ATXN10: variants seen among roughly 807,000 people sequenced by gnomAD.
The protein encoded by ATXN10 is ataxin 10, also known as ataxin-10.
In ATXN10, 28 loss-of-function variants were observed where a neutral mutation model predicts 52.9. The observed-to-expected ratio is 0.53, with a 90% CI of 0.39 to 0.73. The LOEUF is 0.73. Ranked by LOEUF, ATXN10 falls within the 30% of genes least tolerant of loss-of-function variation. The probability of loss-of-function intolerance (pLI) is 0.00; values close to 1 mark genes in which losing one functional copy is unlikely to be tolerated. For synonymous variants in ATXN10, 226 were observed against 221.5 expected (o/e 1.02, Z -0.18); for missense variants, 565 against 577.0 (o/e 0.98, Z 0.21).
chr22:45,831,607 G>A (rs1429434153), intron 10 of ATXN10, among the ~76,000 whole-genome samples: 1 of 152,124 alleles, frequency 6.6e-6, no homozygotes, highest in Non-Finnish European at 1.5e-5. Flanking sequence ...TCCATCCTAT[G>A]AAACAATATT....
At chr22:45,777,267 CGTT>C (rs1926992968) in intron 9 of ATXN10, among the ~76,000 whole-genome samples, 1 of 152,110 alleles carries the variant, frequency 6.6e-6, no homozygotes, top group South Asian at 2.1e-4. Flanking sequence ...TCTGTTATGT[CGTT>C]GTTACCATAG....
intron 9 of ATXN10, among the ~76,000 whole-genome samples, chr22:45,751,956 C>G (rs1440342430): frequency 6.6e-6 from 1 of 151,290 alleles, no homozygotes; most frequent in Non-Finnish European, 1.5e-5. Flanking sequence ...TGACTCCCCC[C>G]ACCCCCACGT....
rs929327087 is a variant in ATXN10, at chr22:45,750,593, C to G, written c.1173+10055C>G. On this transcript the variant is annotated intron_variant, in intron 9 of 11. Coordinates refer to ENST00000252934, the MANE Select transcript of ATXN10 (RefSeq NM_013236.4). This position sits in a 1 kb window ranked among gnomAD's most constrained non-coding sequence, Gnocchi z 4.2. ...TTTAAACTGATTTTTATTACTAGAC[C>G]AATTAAAATCCCACTGTGAAAAATA... Among the ~76,000 whole-genome samples the G allele has an allele frequency of 9.9e-5, 15 of 151,984 alleles. No individual in the cohort carries two copies. Among genetic ancestry groups the G allele is most frequent in the African/African-American group, 3.6e-4 (15 of 41,350 alleles).
rs192641756 is a variant in ATXN10 at position 45,749,805 on chromosome 22, G to A, written c.1173+9267G>A. Among the ~76,000 whole-genome samples, 207 of 152,200 alleles carry A rather than the reference G, an allele frequency of 1.4e-3. 1 individual carries two copies. Among genetic ancestry groups the A allele is most frequent in the African/African-American group, 4.8e-3 (199 of 41,534 alleles). ...GGTCTCAAACTCCTGGCCTCAGGCA[G>A]TCCTCCTTCCTTGACCTCCCAAAGT... On this transcript the variant is annotated intron_variant, in intron 9 of 11. Coordinates refer to ENST00000252934, the MANE Select transcript of ATXN10 (RefSeq NM_013236.4).
chr22:45,741,854 C>T (rs901844665), intron 9 of ATXN10, among the ~76,000 whole-genome samples: 1 of 152,066 alleles, frequency 6.6e-6, no homozygotes, highest in African/African-American at 2.4e-5. Context: ...GAAATTGATG[C>T]TTGGAAGAAG....
At chr22:45,725,542 G>T (rs565317178) in intron 6 of ATXN10, among the ~76,000 whole-genome samples, 1 of 151,670 alleles carries the variant, frequency 6.6e-6, no homozygotes, top group Non-Finnish European at 1.5e-5. Flanking sequence ...TGAATTCATT[G>T]ATCAAATCTA....
At position 45,796,988 on chromosome 22, in the gene ATXN10, G is replaced by C. The variant is rs145901358; in HGVS notation, c.1174-9971G>C. 7.6e-4 allele frequency among the ~76,000 whole-genome samples: 116 copies of C among 152,266 alleles called. 1 individual carries two copies. Among genetic ancestry groups the C allele is most frequent in the African/African-American group, 2.7e-3 (111 of 41,544 alleles). On this transcript the variant is annotated intron_variant, in intron 9 of 11. Transcript: ENST00000252934. ...ACAAAGAATTTCCCTAGATGTAAAA[G>C]AGTGATATTTCATAATGATTAAAGG...
chr22:45,736,264 T>C (rs1309887668), intron 7 of ATXN10, among the ~76,000 whole-genome samples: 3 of 152,230 alleles, frequency 2.0e-5, no homozygotes, highest in African/African-American at 7.2e-5. Context: ...GTTCCACTCA[T>C]TCTTATGCCA....
intron 9 of ATXN10, among the ~76,000 whole-genome samples, chr22:45,746,124 C>T (rs927325405): frequency 4.0e-5 from 6 of 151,678 alleles, no homozygotes; most frequent in African/African-American, 1.2e-4. Context: ...TTTTTTAAAT[C>T]CTAGGTTTAG....
intron 5 of ATXN10, among the ~76,000 whole-genome samples, chr22:45,716,595 T>A (rs1369443705): frequency 1.3e-5 from 2 of 152,052 alleles, no homozygotes; most frequent in African/African-American, 4.8e-5. Context: ...TCCACCCACC[T>A]CAGTCTCCCA....
intron 5 of ATXN10, among the ~76,000 whole-genome samples, chr22:45,711,599 G>C (rs566109481): frequency 1.3e-5 from 2 of 152,288 alleles, no homozygotes; most frequent in East Asian, 3.9e-4. Context: ...TAGTTTTACA[G>C]ATGTTACCAT....
At position 45,783,295 on chromosome 22, in the gene ATXN10, C is replaced by A. The variant is rs1245967116; in HGVS notation, c.1174-23664C>A. ...AGGGATGGTGAGAGATTTTCTCATGCTCCTCAGCATGGTGCACAACTTAAA... is the reference window on the plus strand; with the variant it reads ...AGGGATGGTGAGAGATTTTCTCATGATCCTCAGCATGGTGCACAACTTAAA... On this transcript the variant is annotated intron_variant, in intron 9 of 11. Transcript: ENST00000252934. The surrounding 1 kb of genome is among the most constrained non-coding windows in gnomAD (Gnocchi z 5.0). Among the ~76,000 whole-genome samples, 3 of 152,196 alleles carry A rather than the reference C, an allele frequency of 2.0e-5. No individual in the cohort carries two copies. Among genetic ancestry groups the A allele is most frequent in the African/African-American group, 7.2e-5 (3 of 41,436 alleles).
chr22:45,835,215 C>T lies in ATXN10; in HGVS notation c.1238-7776C>T, dbSNP rs189915464. 2.0e-3 allele frequency among the ~76,000 whole-genome samples: 298 copies of T among 152,260 alleles called. 1 individual carries two copies. The highest frequency in any genetic ancestry group is 6.5e-3 in the African/African-American group (269 of 41,552). ...TCCCATGACTTCACTGCCAGATGGA[C>T]GGGCTCATGGGTCCTGCTTTGCCTG... On this transcript the variant is annotated intron_variant, in intron 10 of 11. Transcript: ENST00000252934. This position sits in a 1 kb window ranked among gnomAD's most constrained non-coding sequence, Gnocchi z 5.0.
In ATXN10 at chr22:45,805,047, C is replaced by T. The variant is rs1051623318; in HGVS notation, c.1174-1912C>T. ...ATATAGCAGTCTACTGTGTTTGTAC[C>T]GTAGTTTATGTAAGCAACCCCCATT... is the stretch of plus-strand genomic sequence containing the variant. On this transcript the variant is annotated intron_variant, in intron 9 of 11. Transcript: ENST00000252934. The surrounding 1 kb of genome is among the most constrained non-coding windows in gnomAD (Gnocchi z 4.4). Among the ~76,000 whole-genome samples, 1 of 152,122 alleles carries T rather than the reference C, an allele frequency of 6.6e-6. No homozygotes were observed. The highest frequency in any genetic ancestry group is 1.5e-5 in the Non-Finnish European group (1 of 68,028).
chr22:45,673,703 A>C (rs1922566687), intron 1 of ATXN10: 1 of 152,154 alleles, frequency 6.6e-6, no homozygotes, highest in Non-Finnish European at 1.5e-5. Context: ...TCTATACAAG[A>C]GGTGGTGGCA....
At chr22:45,717,165 CCT>C (rs1423438270) in intron 5 of ATXN10, among the ~76,000 whole-genome samples, 3 of 152,042 alleles carry the variant, frequency 2.0e-5, no homozygotes, top group East Asian at 1.9e-4. Flanking sequence ...CTTCTTGCCC[CCT>C]GTCTGTCACC....
Position 45,754,339 on chromosome 22 carries a change from A to G in ATXN10, c.1173+13801A>G, listed in dbSNP as rs567202847. Among the ~76,000 whole-genome samples the G allele has an allele frequency of 2.0e-4, 31 of 152,360 alleles. No individual in the cohort carries two copies. The highest frequency in any genetic ancestry group is 7.2e-4 in the African/African-American group (30 of 41,590). On this transcript the variant is annotated intron_variant, in intron 9 of 11. Coordinates refer to ENST00000252934, the MANE Select transcript of ATXN10 (RefSeq NM_013236.4). The surrounding 1 kb of genome is among the most constrained non-coding windows in gnomAD (Gnocchi z 5.4). ...GTCTCCCTTTCTTCATCTGTAAAGTAGAGATGATTTTACTTCCCTCATACA... is the reference window on the plus strand; with the variant it reads ...GTCTCCCTTTCTTCATCTGTAAAGTGGAGATGATTTTACTTCCCTCATACA...
At chr22:45,764,171 T>C (rs749570094) in intron 9 of ATXN10, among the ~76,000 whole-genome samples, 110 of 152,192 alleles carry the variant, frequency 7.2e-4, no homozygotes, top group Non-Finnish European at 1.4e-3. Context: ...GCAGGAATCA[T>C]CTTCTCCCTC....
chr22:45,702,546 ATAAT>A (rs1303632179), intron 4 of ATXN10, 139 bp from the exon 5 acceptor site: 7 of 716,612 alleles, frequency 9.8e-6, no homozygotes, highest in Middle Eastern at 3.9e-4. Flanking sequence ...TTTACAGTAA[ATAAT>A]CTACTTATTT....
Sources: allele counts gnomAD v4.1 joint callset (sites outside exome capture counted in the v4.1 genomes callset), GRCh38; gene constraint gnomAD v4.1.1; non-coding constraint Gnocchi (gnomAD v3.1); transcripts MANE v1.5; gene names NCBI Gene and HGNC (gene_info 2026-07-23, HGNC 2026-07-21).